Variants in PCDH11X observed in about 807,000 individuals in gnomAD.
PCDH11X encodes protocadherin-11 X-linked.
A neutral mutation model predicts 53.3 loss-of-function variants in PCDH11X; 18 were observed. The observed-to-expected ratio is 0.34, with a 90% CI of 0.23 to 0.50. The LOEUF (loss-of-function observed/expected upper bound fraction) is 0.50. PCDH11X is among the 20% of genes least tolerant of loss of function. PCDH11X has a pLI of 0.98. For missense variants in PCDH11X, 570 were observed against 1,032.4 expected (o/e 0.55, Z 6.14); for synonymous variants, 279 against 393.3 (o/e 0.71, Z 3.44).
At chrX:92,567,745 A>G (rs1921654548) in intron 10 of PCDH11X, among the ~76,000 whole-genome samples, 1 of 106,794 alleles carries the variant, frequency 9.4e-6, no homozygotes, top group South Asian at 4.3e-4. Context: ...CCCATTCAGT[A>G]TTATATTGGC....
chrX:92,406,093 T>C (rs2071505558), intron 9 of PCDH11X, among the ~76,000 whole-genome samples: 2 of 43,038 alleles, frequency 4.6e-5, no homozygotes, highest in Non-Finnish European at 8.9e-5. Flanking sequence ...AGTGAGACTC[T>C]GTCTCAAAAA....
At chrX:92,386,562 A>G (rs1306217620) in intron 8 of PCDH11X, among the ~76,000 whole-genome samples, 1 of 110,974 alleles carries the variant, frequency 9.0e-6, no homozygotes, top group African/African-American at 3.3e-5. Flanking sequence ...CTGCTCCACA[A>G]TGACTGCTGC....
chrX:91,912,761 G>A (rs1371400477), intron 6 of PCDH11X, among the ~76,000 whole-genome samples: 1 of 108,983 alleles, frequency 9.2e-6, no homozygotes, highest in Non-Finnish European at 1.9e-5. Context: ...GTGATCTTTT[G>A]CTTCAAGAAC....
intron 1 of PCDH11X, among the ~76,000 whole-genome samples, chrX:91,805,872 A>G (rs1936087129): frequency 9.1e-6 from 1 of 109,290 alleles, no homozygotes; most frequent in Non-Finnish European, 1.9e-5. Context: ...GGCCAAATAA[A>G]TAGAATGCTT....
intron 10 of PCDH11X, among the ~76,000 whole-genome samples, chrX:92,542,475 T>C (rs1204609060): frequency 2.4e-4 from 27 of 110,975 alleles, no homozygotes; most frequent in South Asian, 7.6e-4. Context: ...TTTTAAAATG[T>C]CCATAAATTA....
At chrX:92,183,963 A>C (rs2066045222) in intron 6 of PCDH11X, among the ~76,000 whole-genome samples, 1 of 63,813 alleles carries the variant, frequency 1.6e-5, no homozygotes, top group Non-Finnish European at 3.0e-5. Context: ...ACAGCACTGG[A>C]CATTATATAA....
intron 10 of PCDH11X, among the ~76,000 whole-genome samples, chrX:92,482,838 C>T: frequency 9.1e-6 from 1 of 110,024 alleles, no homozygotes; most frequent in Admixed American, 9.7e-5. Context: ...TATGTGTAGA[C>T]TCCTTATAAA....
chrX:92,302,636 A>T (rs1311655314), intron 8 of PCDH11X, among the ~76,000 whole-genome samples: 3 of 110,468 alleles, frequency 2.7e-5, no homozygotes, highest in Non-Finnish European at 5.7e-5. Context: ...CAGATTGTGA[A>T]GGGGCTTGTA....
chrX:92,292,677 T>C (rs1366013203), intron 8 of PCDH11X, among the ~76,000 whole-genome samples: 1 of 111,717 alleles, frequency 9.0e-6, no homozygotes, highest in African/African-American at 3.3e-5. Context: ...CCTACACCAC[T>C]GCACACCTCC....
At chrX:92,232,859 G>T in intron 7 of PCDH11X, among the ~76,000 whole-genome samples, 1 of 111,372 alleles carries the variant, frequency 9.0e-6, no homozygotes, top group Non-Finnish European at 1.9e-5. Flanking sequence ...GGGACTATAG[G>T]CGCCCGCCAC....
chrX:92,570,298 C>T (rs940804268), intron 10 of PCDH11X, among the ~76,000 whole-genome samples: 1 of 111,711 alleles, frequency 9.0e-6, no homozygotes, highest in African/African-American at 3.3e-5. Context: ...TAATAGTAAT[C>T]GTTGCCATAT....
At chrX:92,549,914 T>C (rs2074926386) in intron 10 of PCDH11X, among the ~76,000 whole-genome samples, 1 of 111,682 alleles carries the variant, frequency 9.0e-6, no homozygotes, top group Admixed American at 9.5e-5. Context: ...AGCATATCAA[T>C]CACTTAAAGC....
At chrX:92,139,847 G>T (rs1369002988) in intron 6 of PCDH11X, among the ~76,000 whole-genome samples, 1 of 110,626 alleles carries the variant, frequency 9.0e-6, no homozygotes, top group African/African-American at 3.3e-5. Flanking sequence ...TAGTGCCTGG[G>T]ATCTATCAAT....
intron 9 of PCDH11X, among the ~76,000 whole-genome samples, chrX:92,456,027 A>G (rs969985030): frequency 8.9e-6 from 1 of 112,186 alleles, no homozygotes; most frequent in African/African-American, 3.2e-5. Context: ...ATCATTTCGG[A>G]AAGTTTTTCA....
At chrX:91,947,870 C>T (rs1459056724) in intron 6 of PCDH11X, among the ~76,000 whole-genome samples, 1 of 103,372 alleles carries the variant, frequency 9.7e-6, no homozygotes, top group African/African-American at 3.4e-5. Flanking sequence ...AATCAGAAGC[C>T]AATCCTGTTT....
At chrX:92,600,600 C>T (rs1926122683) in intron 10 of PCDH11X, among the ~76,000 whole-genome samples, 1 of 109,969 alleles carries the variant, frequency 9.1e-6, no homozygotes, top group Middle Eastern at 4.2e-3. Context: ...GGGCAGAATC[C>T]TCACGGAGAA....
At chrX:92,015,612 A>C (rs1424963902) in intron 6 of PCDH11X, among the ~76,000 whole-genome samples, 2 of 112,154 alleles carry the variant, frequency 1.8e-5, no homozygotes, top group African/African-American at 6.5e-5. Context: ...ATTCATAAGA[A>C]GCAACTTTGT....
At chrX:92,583,906 TATTGA>T (rs1478397562) in intron 10 of PCDH11X, among the ~76,000 whole-genome samples, 3 of 100,449 alleles carry the variant, frequency 3.0e-5, no homozygotes, top group Non-Finnish European at 6.0e-5. Flanking sequence ...TTAAAAAACT[TATTGA>T]ATTCAAATGA....
intron 9 of PCDH11X, chrX:92,420,624 C>A (rs2071942981): frequency 7.4e-6 from 2 of 269,388 alleles, no homozygotes; most frequent in South Asian, 4.5e-5. Flanking sequence ...GATACCATCT[C>A]ACTATTTTCT....
Sources: gnomAD v4.1 joint callset for allele counts (sites outside exome capture counted in the v4.1 genomes callset) on GRCh38, gnomAD v4.1.1 for gene constraint, MANE v1.5 for transcripts, NCBI Gene and HGNC (gene_info 2026-07-23, HGNC 2026-07-21) for gene names.